HOXA3: variants seen among roughly 807,000 people sequenced by gnomAD.
The protein encoded by HOXA3 is homeobox A3.
In HOXA3, 8 loss-of-function variants were observed where a neutral mutation model predicts 30.3. That is an observed-to-expected ratio of 0.26 (90% CI 0.15 to 0.48). The LOEUF is 0.48. Among genes scored for constraint, HOXA3 ranks in the 20% least tolerant of loss-of-function variants. The pLI, the probability that HOXA3 is intolerant of heterozygous loss-of-function variation, is 0.99. For synonymous variants in HOXA3, 323 were observed against 273.1 expected (o/e 1.18, Z -1.80); for missense variants, 653 against 614.4 (o/e 1.06, Z -0.66).
chr7:27,146,848 G>T (rs1254193720), intron 1 of HOXA3, among the ~76,000 whole-genome samples: 2 of 152,238 alleles, frequency 1.3e-5, no homozygotes, highest in Non-Finnish European at 1.5e-5. Context: ...GGAGACACTG[G>T]AAGAGGCCAA....
intron 1 of HOXA3, chr7:27,151,766 A>G: frequency 2.3e-6 from 1 of 444,134 alleles, no homozygotes; most frequent in South Asian, 1.6e-5. Context: ...TGCTAATAAA[A>G]TGCCTGTGGA....
chr7:27,152,122 G>T (rs1192640199), intron 1 of HOXA3, among the ~76,000 whole-genome samples, 166 bp downstream of exon 1: 1 of 151,952 alleles, frequency 6.6e-6, no homozygotes, highest in Non-Finnish European at 1.5e-5. Flanking sequence ...CTGTGTGTGT[G>T]ACGTGTGTGG....
At chr7:27,122,062 A>G (rs1785039919) in intron 4 of HOXA3, 1 of 152,610 alleles carries the variant, frequency 6.6e-6, no homozygotes, top group Non-Finnish European at 1.5e-5. Context: ...TGCCGAAGGA[A>G]AGGCAAAATG....
chr7:27,121,231 G>A (rs1784997312), intron 4 of HOXA3: 2 of 124,664 alleles, frequency 1.6e-5, no homozygotes, highest in Non-Finnish European at 3.5e-5. Context: ...GTGTGTGTGT[G>A]TGTGTGTGTG....
chr7:27,137,192 C>T (rs1297601341), intron 2 of HOXA3, among the ~76,000 whole-genome samples: 2 of 152,224 alleles, frequency 1.3e-5, no homozygotes, highest in Non-Finnish European at 2.9e-5. Flanking sequence ...GAACAGGACT[C>T]TGTTTTTTGG....
chr7:27,147,666 G>A, intron 1 of HOXA3: 1 of 1,614,140 alleles, frequency 6.2e-7, no homozygotes, highest in Non-Finnish European at 8.5e-7. Context: ...AGCCAGCCTG[G>A]TAGAGGGGCA....
At chr7:27,151,248 C>T (rs1324740104) in intron 1 of HOXA3, 2 of 186,350 alleles carry the variant, frequency 1.1e-5, no homozygotes, top group Non-Finnish European at 2.3e-5. Flanking sequence ...GAGGAGTTCT[C>T]GGGGCAAATC....
rs758049046 is a variant in HOXA3 at position 27,108,748 on chromosome 7, C to G, written c.527-28G>C. Reference sequence around the variant, plus strand: ...GCGAGGACAGAGAGAGGAAGAGCGGCGTCAGGGGCTGCCGCGGCCCCGCCC... The same window carrying G: ...GCGAGGACAGAGAGAGGAAGAGCGGGGTCAGGGGCTGCCGCGGCCCCGCCC... On this transcript the variant is annotated intron_variant, in intron 5 of 5. Coordinates refer to ENST00000612286, the MANE Select transcript of HOXA3 (RefSeq NM_153631.3). The surrounding 1 kb of genome is among the most constrained non-coding windows in gnomAD (Gnocchi z 5.0). 2 of 1,539,978 alleles carry G rather than the reference C, an allele frequency of 1.3e-6. No individual in the cohort carries two copies. Among genetic ancestry groups the G allele is most frequent in the Admixed American group, 1.9e-5 (1 of 53,736 alleles).
chr7:27,114,918 C>T (rs1271810715), intron 4 of HOXA3, among the ~76,000 whole-genome samples: 6 of 116,972 alleles, frequency 5.1e-5, no homozygotes, highest in Admixed American at 5.0e-4. Flanking sequence ...GATGGAGTAA[C>T]GCTGAGCTGG....
rs551501310 is a variant in HOXA3 at position 27,152,386 on chromosome 7, A to G, written c.-592T>C. 375 of 1,187,186 alleles carry G rather than the reference A, an allele frequency of 3.2e-4. 3 individuals are homozygous for G. The Admixed American group carries it at 9.3e-3, about 29-fold the overall frequency. 73.5% of individuals were successfully genotyped at this position (1,187,186 alleles called of 1,614,324 possible). On this transcript the variant is annotated 5_prime_UTR_variant, in exon 1 of 6. Coordinates refer to ENST00000612286, the MANE Select transcript of HOXA3 (RefSeq NM_153631.3). ...CCTCTTTCCTGGTGCCAGAGGACGC[A>G]GGAAATTAGCCAGGTTGCGAGTTGC...
intron 2 of HOXA3, among the ~76,000 whole-genome samples, chr7:27,139,519 C>A (rs1209464603): frequency 1.3e-5 from 2 of 152,362 alleles, no homozygotes; most frequent in African/African-American, 4.8e-5. Flanking sequence ...CTCAATTCAG[C>A]CCTGCCAAAT....
At chr7:27,129,628 A>G in intron 2 of HOXA3, 1 of 1,590,986 alleles carries the variant, frequency 6.3e-7, no homozygotes, top group South Asian at 1.1e-5. Context: ...GAAGAGAGGG[A>G]AAGGAGGAGG....
chr7:27,112,397 C>T (rs1784429129), intron 4 of HOXA3, among the ~76,000 whole-genome samples: 1 of 152,116 alleles, frequency 6.6e-6, no homozygotes, highest in Non-Finnish European at 1.5e-5. Flanking sequence ...TGATAATGGA[C>T]TCCTTTAGAT....
intron 1 of HOXA3, 71 bp downstream of exon 1, chr7:27,152,217 C>G (rs953972823): frequency 9.6e-7 from 1 of 1,037,150 alleles, no homozygotes; most frequent in African/African-American, 1.7e-5. Flanking sequence ...CCTGGGTGCC[C>G]TCTCCCACCG....
chr7:27,150,200 C>T (rs1297695284), intron 1 of HOXA3: 1 of 151,714 alleles, frequency 6.6e-6, no homozygotes, highest in Non-Finnish European at 1.5e-5. Flanking sequence ...GCTATTCCGG[C>T]AAGAATAGGC....
At chr7:27,130,074 C>T in intron 2 of HOXA3, 1 of 1,548,532 alleles carries the variant, frequency 6.5e-7, no homozygotes. Context: ...AACCCAGGCC[C>T]AGCCCCGGCC....
intron 2 of HOXA3, chr7:27,128,236 G>T (rs1859162): frequency 0.94 from 143,748 of 152,274 alleles, 67,976 homozygotes; most frequent in East Asian, 1. Flanking sequence ...GAGACTTGAA[G>T]CCTGAAAGCC....
chr7:27,130,648 G>A (rs772898564), intron 2 of HOXA3: 17 of 1,600,042 alleles, frequency 1.1e-5, no homozygotes, highest in Admixed American at 1.7e-5. Flanking sequence ...TGCGCCGCCC[G>A]AGCCGCTGTG....
Position 27,110,660 on chromosome 7 carries a change from G to T in HOXA3, c.-20C>A. 1 of 1,596,596 alleles carries T rather than the reference G, an allele frequency of 6.3e-7. No homozygotes were observed. The highest frequency in any genetic ancestry group is 8.6e-7 in the Non-Finnish European group (1 of 1,166,216). On this transcript the variant is annotated 5_prime_UTR_variant, in exon 5 of 6. Transcript: ENST00000612286. ...TTGCATCGCGTTGTTTCACGATCTTGATCGCACACTCTGACAGGGGTTTGA... is the reference window on the plus strand; with the variant it reads ...TTGCATCGCGTTGTTTCACGATCTTTATCGCACACTCTGACAGGGGTTTGA...
Sources: allele counts gnomAD v4.1 joint callset (sites outside exome capture counted in the v4.1 genomes callset), GRCh38; gene constraint gnomAD v4.1.1; non-coding constraint Gnocchi (gnomAD v3.1); transcripts MANE v1.5; gene names NCBI Gene and HGNC (gene_info 2026-07-23, HGNC 2026-07-21).